The following HUS1 variants were observed in gnomAD, a reference collection of about 807,000 sequenced individuals.
HUS1 encodes checkpoint protein HUS1.
Under a neutral mutation model 32.6 loss-of-function variants are expected in HUS1, and 31 were observed. That is an observed-to-expected ratio of 0.95 (90% CI 0.72 to 1.28). HUS1 has a LOEUF of 1.28. Among genes scored for constraint, HUS1 ranks in the 50% most tolerant of loss-of-function variants. The pLI is 0.00. For missense variants in HUS1, 340 were observed against 337.7 expected, an observed-to-expected ratio of 1.01 and a Z score of -0.05; for synonymous variants, 123 against 116.6, an observed-to-expected ratio of 1.06 and a Z score of -0.36.
chr7:47,976,314 C>A (rs754228944), intron 4 of HUS1: 16 of 457,554 alleles, frequency 3.5e-5, no homozygotes, highest in Middle Eastern at 3.2e-4. Flanking sequence ...GGTTAACCAT[C>A]GGCATGACCG....
In HUS1 at chr7:47,965,378, TACTG is replaced by T. The variant is rs770937668; in HGVS notation, c.817_820del (p.Gln273IlefsTer31). 2 of 1,613,238 alleles carry T rather than the reference TACTG, an allele frequency of 1.2e-6. No individual in the cohort carries two copies. The highest frequency in any genetic ancestry group is 1.7e-6 in the Non-Finnish European group (2 of 1,179,238). On this transcript the variant is annotated frameshift_variant, in exon 8 of 8. Transcript: ENST00000258774. LOFTEE classifies it high-confidence loss of function. ...GTGCTAGGACAGCGCAGGGATGAAA[TACTG>T]AAGGGACACGTCTTCATGAAGCAGA...
chr7:47,963,399 C>A lies in HUS1; in HGVS notation c.*1957G>T, dbSNP rs897558133. ...ATTTGATAATAAACATCACATAGAG[C>A]AAATGGTTAAGTCACTAACACATTC... On this transcript the variant is annotated 3_prime_UTR_variant, in exon 8 of 8. Transcript: ENST00000258774. The A allele has an allele frequency of 5.3e-5, 8 of 152,294 alleles. No individual in the cohort carries two copies. The highest frequency in any genetic ancestry group is 1.9e-4 in the African/African-American group (8 of 41,550). 9.4% of individuals were successfully genotyped at this position (152,294 alleles called of 1,614,324 possible). A position where few individuals can be genotyped will look rare whatever the true frequency, so the allele number is the denominator to read the frequency against.
rs180887261 is a variant in HUS1, at chr7:47,967,966, C to T, written c.641-41G>A. 56 of 1,587,884 alleles carry T rather than the reference C, an allele frequency of 3.5e-5. No homozygotes were observed. The Admixed American group carries it at 3.5e-4, about 10-fold the overall frequency. ...TGCATTTAAATACAACATCTTCCCA[C>T]GTAACAGGAAACCTGGAGATACTCA... is the stretch of plus-strand genomic sequence containing the variant. On this transcript the variant is annotated intron_variant, in intron 6 of 7. Coordinates refer to ENST00000258774, the MANE Select transcript of HUS1 (RefSeq NM_004507.4).
chr7:47,973,431 A>G (rs1393944127), intron 5 of HUS1, among the ~76,000 whole-genome samples: 1 of 152,198 alleles, frequency 6.6e-6, no homozygotes, highest in Non-Finnish European at 1.5e-5. Context: ...ACTTAGAAGC[A>G]ATGTCTTAGA....
intron 5 of HUS1, chr7:47,971,348 C>T (rs942876285): frequency 2.1e-5 from 8 of 372,278 alleles, no homozygotes; most frequent in Non-Finnish European, 3.2e-5. Flanking sequence ...AAACTCCACA[C>T]GCCCAGGCTA....
Position 47,963,856 on chromosome 7 carries a change from A to C in HUS1, c.*1500T>G, listed in dbSNP as rs1288646761. 6.6e-6 allele frequency: 1 copy of C among 152,154 alleles called. No homozygotes were observed. Among genetic ancestry groups the C allele is most frequent in the Non-Finnish European group, 1.5e-5 (1 of 68,026 alleles). The allele number at this position is 152,154 out of a possible 1,614,324, so 9.4% of individuals were successfully genotyped here. On this transcript the variant is annotated 3_prime_UTR_variant, in exon 8 of 8. Transcript: ENST00000258774. ...GGGAAGTGGAGGCTGCAGTAAGCCA[A>C]GATCGCGCCACTAGCACTCCAGACT...
At chr7:47,974,238 G>A (rs1009016870) in intron 5 of HUS1, among the ~76,000 whole-genome samples, 4 of 152,164 alleles carry the variant, frequency 2.6e-5, no homozygotes, top group African/African-American at 9.7e-5. Flanking sequence ...ATCCCACACT[G>A]GGCAGCTGGG....
rs1788545060 is a variant in HUS1, at chr7:47,969,263, A to C, written c.596T>G (p.Val199Gly). ...ELNLKIETEL[V>G]CVTTHFKDLG... is the part of the protein sequence containing the mutation. Reference sequence around the variant, plus strand: ...ATCTTTAAAATGAGTTGTAACACATACTAATTCAGTTTCTATTTTCAAATT... The same window carrying C: ...ATCTTTAAAATGAGTTGTAACACATCCTAATTCAGTTTCTATTTTCAAATT... The change falls in exon 6 of 8, where the codon GTA becomes GGA. Residue 199 changes from valine to glycine, a missense_variant. Val to Gly is a moderately radical substitution (Grantham distance 109, BLOSUM62 -3). Transcript: ENST00000258774. 6.3e-7 allele frequency: 1 copy of C among 1,591,680 alleles called. No individual in the cohort carries two copies. Among genetic ancestry groups the C allele is most frequent in the Admixed American group, 1.7e-5 (1 of 58,528 alleles).
At chr7:47,973,614 C>T (rs954738650) in intron 5 of HUS1, among the ~76,000 whole-genome samples, 19 of 152,326 alleles carry the variant, frequency 1.2e-4, no homozygotes, top group Admixed American at 1.1e-3. Flanking sequence ...CTTAATTCTA[C>T]TGCCTGTAAT....
chr7:47,978,133 C>A, intron 3 of HUS1: 1 of 307,784 alleles, frequency 3.2e-6, no homozygotes, highest in East Asian at 6.0e-5. Context: ...ATAGAGAAAC[C>A]ATGATTTCTA....
intron 6 of HUS1, 44 bp from the exon 7 acceptor site, chr7:47,967,969 A>G (rs1044541209): frequency 6.3e-7 from 1 of 1,589,300 alleles, no homozygotes; most frequent in African/African-American, 1.3e-5. Context: ...CTTCCCACGT[A>G]ACAGGAAACC....
intron 4 of HUS1, 111 bp downstream of exon 4, chr7:47,976,619 G>C (rs902770397): frequency 1.4e-6 from 1 of 732,678 alleles, no homozygotes; most frequent in Non-Finnish European, 2.5e-6. Flanking sequence ...TAATGTTTTC[G>C]TTAAGTATCC....
At chr7:47,979,195 A>C (rs1056760060) in intron 1 of HUS1, among the ~76,000 whole-genome samples, 1 of 152,128 alleles carries the variant, frequency 6.6e-6, no homozygotes. Context: ...CTATGGGAGC[A>C]GTGGCCGCTT....
chr7:47,974,931 A>T (rs2128766121), intron 5 of HUS1, among the ~76,000 whole-genome samples: 1 of 152,332 alleles, frequency 6.6e-6, no homozygotes, highest in African/African-American at 2.4e-5. Context: ...TCACTGAAAG[A>T]CACTTGGCAC....
chr7:47,969,047 C>T, intron 6 of HUS1, 172 bp downstream of exon 6: 3 of 545,198 alleles, frequency 5.5e-6, no homozygotes, highest in East Asian at 6.4e-5. Context: ...TGGCTAACTG[C>T]CCCACTACAC....
chr7:47,975,561 C>T (rs1477160655), intron 5 of HUS1, 52 bp downstream of exon 5: 20 of 1,212,468 alleles, frequency 1.6e-5, no homozygotes, highest in Non-Finnish European at 2.2e-5. Context: ...GGAGAACCCA[C>T]GCCGTCCCAC....
At chr7:47,977,472 A>G (rs1788729046) in intron 3 of HUS1, among the ~76,000 whole-genome samples, 3 of 152,232 alleles carry the variant, frequency 2.0e-5, no homozygotes, top group African/African-American at 7.2e-5. Context: ...TTTTGGACAA[A>G]AAGTATTATA....
intron 3 of HUS1, 30 bp from the exon 4 acceptor site, chr7:47,976,867 T>G (rs1236838617): frequency 1.4e-6 from 2 of 1,463,632 alleles, no homozygotes; most frequent in African/African-American, 2.8e-5. Context: ...AAAATATTTT[T>G]ATGTTGTTAA....
chr7:47,975,809 AC>A, intron 4 of HUS1, 122 bp from the exon 5 acceptor site: 1 of 590,428 alleles, frequency 1.7e-6, no homozygotes. Context: ...ATACTATTTT[AC>A]AATTTTCTGA....
Sources: allele counts gnomAD v4.1 joint callset (sites outside exome capture counted in the v4.1 genomes callset), GRCh38; gene constraint gnomAD v4.1.1; transcripts MANE v1.5; gene names NCBI Gene and HGNC (gene_info 2026-07-23, HGNC 2026-07-21).